The following RNF150 variants were observed in gnomAD, a reference collection of about 807,000 sequenced individuals.
RNF150 encodes ring finger protein 150.
A neutral mutation model predicts 39.3 loss-of-function variants in RNF150; 24 were observed. That is an observed-to-expected ratio of 0.61 (90% confidence interval 0.44 to 0.86). RNF150 has a LOEUF of 0.86. RNF150 is among the 40% of genes least tolerant of loss of function. The pLI is 0.00. For missense variants in RNF150, 502 were observed against 587.8 expected, an observed-to-expected ratio of 0.85 and a Z score of 1.51; for synonymous variants, 255 against 227.3, an observed-to-expected ratio of 1.12 and a Z score of -1.10.
chr4:140,924,303 T>C (rs996146884), intron 5 of RNF150, among the ~76,000 whole-genome samples: 14 of 152,180 alleles, frequency 9.2e-5, no homozygotes, highest in African/African-American at 3.1e-4. Context: ...CCAATAATTC[T>C]TCTAAAAATA....
At chr4:141,179,791 G>A (rs73849856) in intron 1 of RNF150, among the ~76,000 whole-genome samples, 4,941 of 152,166 alleles carry the variant, frequency 0.032, 269 homozygotes, top group African/African-American at 0.11. Context: ...TTACTGTGGA[G>A]CCAGAAGATC....
chr4:140,967,538 G>A, intron 2 of RNF150, 85 bp downstream of exon 2: 1 of 1,307,770 alleles, frequency 7.6e-7, no homozygotes, highest in Non-Finnish European at 1.0e-6. Context: ...TTTGGTTTTG[G>A]CTTGGTATTT....
At chr4:141,081,058 C>T (rs1275332872) in intron 1 of RNF150, among the ~76,000 whole-genome samples, 1 of 152,126 alleles carries the variant, frequency 6.6e-6, no homozygotes, top group Non-Finnish European at 1.5e-5. Context: ...GGATAAGTGG[C>T]CAGTATGGAT....
intron 2 of RNF150, among the ~76,000 whole-genome samples, chr4:140,956,406 G>A (rs549852596): frequency 6.6e-6 from 1 of 152,252 alleles, no homozygotes; most frequent in Non-Finnish European, 1.5e-5. Context: ...GTGCACACTG[G>A]TATTCAGGAT....
At chr4:141,045,938 T>C (rs971405766) in intron 1 of RNF150, among the ~76,000 whole-genome samples, 1 of 152,188 alleles carries the variant, frequency 6.6e-6, no homozygotes, top group African/African-American at 2.4e-5. Flanking sequence ...ATGTATGCAA[T>C]ACATTTTATA....
At chr4:141,001,113 G>T (rs533537814) in intron 1 of RNF150, among the ~76,000 whole-genome samples, 34 of 152,156 alleles carry the variant, frequency 2.2e-4, no homozygotes, top group Non-Finnish European at 3.7e-4. Context: ...TCCCATATCT[G>T]TACTTGATCA....
intron 1 of RNF150, among the ~76,000 whole-genome samples, chr4:141,003,410 C>T (rs751024021): frequency 1.1e-4 from 16 of 152,132 alleles, no homozygotes; most frequent in Non-Finnish European, 1.9e-4. Context: ...TTGCCAAAGT[C>T]CATCGAGTGG....
intron 1 of RNF150, among the ~76,000 whole-genome samples, chr4:140,970,566 A>G (rs1217995748): frequency 6.7e-6 from 1 of 150,084 alleles, no homozygotes; most frequent in Non-Finnish European, 1.5e-5. Flanking sequence ...TTTAAATCCC[A>G]GTTCAGCATT....
chr4:141,184,875 G>GTGTGTA (rs1438337633), intron 1 of RNF150, among the ~76,000 whole-genome samples: 2 of 151,634 alleles, frequency 1.3e-5, no homozygotes, highest in Non-Finnish European at 2.9e-5. Context: ...ATCTGTGTGT[G>GTGTGTA]TGTGTGTGTG....
chr4:140,926,172 T>C, intron 4 of RNF150, 99 bp from the exon 5 acceptor site: 1 of 815,416 alleles, frequency 1.2e-6, no homozygotes, highest in South Asian at 1.5e-5. Flanking sequence ...AATTACTCAG[T>C]GGCAGAGCCA....
At chr4:141,092,759 T>C (rs1218167303) in intron 1 of RNF150, among the ~76,000 whole-genome samples, 3 of 151,836 alleles carry the variant, frequency 2.0e-5, no homozygotes, top group Non-Finnish European at 2.9e-5. Context: ...TTTATCCTTT[T>C]TGAGAAGAAT....
At chr4:140,873,140 G>A (rs1729011795) in intron 6 of RNF150, among the ~76,000 whole-genome samples, 1 of 152,158 alleles carries the variant, frequency 6.6e-6, no homozygotes, top group Non-Finnish European at 1.5e-5. Context: ...ACCAATATTT[G>A]CAAGTCAGGA....
At position 141,061,417 on chromosome 4, in the gene RNF150, A is replaced by G. The variant is rs115774618; in HGVS notation, c.484+70908T>C. On this transcript the variant is annotated intron_variant, in intron 1 of 6. Coordinates refer to ENST00000515673, the MANE Select transcript of RNF150 (RefSeq NM_020724.2). ...GAAGCAGAACTCATCAACTAACGCT[A>G]AATATTAGCTTCTATTTATGTGATA... Among the ~76,000 whole-genome samples, 1,274 of 152,340 alleles carry G rather than the reference A, an allele frequency of 8.4e-3. 10 individuals carry two copies. Among genetic ancestry groups the G allele is most frequent in the Middle Eastern group, 0.02 (6 of 294 alleles).
In RNF150 at chr4:141,070,311, A is replaced by G. The variant is rs1339974940; in HGVS notation, c.484+62014T>C. Among the ~76,000 whole-genome samples, 5 of 152,208 alleles carry G rather than the reference A, an allele frequency of 3.3e-5. No homozygotes were observed. In the East Asian group the frequency reaches 9.6e-4, roughly 29 times the overall value. On this transcript the variant is annotated intron_variant, in intron 1 of 6. Coordinates refer to ENST00000515673, the MANE Select transcript of RNF150 (RefSeq NM_020724.2). ...AAACCTAGGCATTACCATTCAGGAC[A>G]TAGGCATGGGCAAGGACTTCATGTC...
At chr4:140,910,729 A>G (rs1730565395) in intron 6 of RNF150, among the ~76,000 whole-genome samples, 1 of 152,120 alleles carries the variant, frequency 6.6e-6, no homozygotes, top group African/African-American at 2.4e-5. Flanking sequence ...GTGTACACAC[A>G]TGCGAGCATG....
intron 1 of RNF150, among the ~76,000 whole-genome samples, chr4:141,172,685 C>T (rs2111174768): frequency 6.6e-6 from 1 of 152,250 alleles, no homozygotes; most frequent in Middle Eastern, 3.4e-3. Context: ...AATAACAACA[C>T]TCACTTGAGC....
At chr4:141,046,248 G>A (rs1306448224) in intron 1 of RNF150, among the ~76,000 whole-genome samples, 1 of 152,138 alleles carries the variant, frequency 6.6e-6, no homozygotes, top group Non-Finnish European at 1.5e-5. Context: ...TTAGATGGGG[G>A]AATACACTTC....
chr4:140,894,487 A>G (rs1729867888), intron 6 of RNF150, among the ~76,000 whole-genome samples: 2 of 152,070 alleles, frequency 1.3e-5, no homozygotes, highest in South Asian at 4.2e-4. Flanking sequence ...GCTTTTTGGG[A>G]TGATTACTGA....
At chr4:141,206,475 T>C (rs1040508350) in intron 1 of RNF150, among the ~76,000 whole-genome samples, 6 of 147,006 alleles carry the variant, frequency 4.1e-5, no homozygotes, top group African/African-American at 1.2e-4. Flanking sequence ...TTCAAAAAGA[T>C]TGCCGCCATA....
Sources: gnomAD v4.1 joint callset for allele counts (sites outside exome capture counted in the v4.1 genomes callset) on GRCh38, gnomAD v4.1.1 for gene constraint, MANE v1.5 for transcripts, NCBI Gene and HGNC (gene_info 2026-07-23, HGNC 2026-07-21) for gene names.